Variants in LDB3 observed in about 807,000 individuals in gnomAD.
The protein encoded by LDB3 is LIM domain binding 3, also known as LIM domain-binding protein 3.
Under a neutral mutation model 69.0 loss-of-function variants are expected in LDB3, and 49 were observed. That is an observed-to-expected ratio of 0.71 (90% CI 0.56 to 0.90). The LOEUF is 0.90. Among genes scored for constraint, LDB3 ranks in the 40% least tolerant of loss-of-function variants. LDB3 has a pLI of 0.00. For missense variants in LDB3, 928 were observed against 974.1 expected, an observed-to-expected ratio of 0.95 and a Z score of 0.63; for synonymous variants, 387 against 396.2, an observed-to-expected ratio of 0.98 and a Z score of 0.28.
chr10:86,719,032 A>T (rs987020318), intron 12 of LDB3, among the ~76,000 whole-genome samples, 185 bp downstream of exon 12: 1 of 152,102 alleles, frequency 6.6e-6, no homozygotes, highest in Non-Finnish European at 1.5e-5. Flanking sequence ...GAAGTTAACT[A>T]TCTCCCCTGC....
chr10:86,687,302 A>T (rs1296920337), intron 5 of LDB3: 7 of 1,604,178 alleles, frequency 4.4e-6, no homozygotes, highest in Non-Finnish European at 5.1e-6. Context: ...ACCGCCACTC[A>T]GTGCCTCCAG....
chr10:86,681,438 C>G lies in LDB3; in HGVS notation c.324C>G (p.Asp108Glu). 2 of 1,601,878 alleles carry G rather than the reference C, an allele frequency of 1.2e-6. No individual in the cohort carries two copies. The highest frequency in any genetic ancestry group is 2.2e-5 in the South Asian group (2 of 91,054). ...CTGCATGGCCTGCCCTGTGCCAGGA[C>G]CCCGCTCTGGACACGAACGGCAGCC... Reference protein sequence around the residue: ...TPLPVIPHQKDPALDTNGSLV... With the variant: ...TPLPVIPHQKEPALDTNGSLV... The change falls in exon 5 of 14, where the codon GAC becomes GAG. Residue 108 changes from aspartate (D) to glutamate (E), a missense_variant and splice_region_variant. Asp to Glu is a conservative substitution (Grantham distance 45). Transcript: ENST00000361373.
At chr10:86,723,899 G>A (rs996028258) in intron 12 of LDB3, among the ~76,000 whole-genome samples, 2 of 152,334 alleles carry the variant, frequency 1.3e-5, no homozygotes, top group African/African-American at 4.8e-5. Flanking sequence ...TGCTGATAAG[G>A]AGCTGGAGAC....
chr10:86,668,879 T>C, intron 2 of LDB3, 95 bp downstream of exon 2: 1 of 966,180 alleles, frequency 1.0e-6, no homozygotes, highest in Non-Finnish European at 1.6e-6. Flanking sequence ...TTTCTGAGCC[T>C]CTCAGAAAGC....
intron 8 of LDB3, 98 bp downstream of exon 8, chr10:86,706,817 AG>A: frequency 7.6e-7 from 1 of 1,320,814 alleles, no homozygotes. Context: ...CAAGGTAGTT[AG>A]GGCCCGCAGG....
At chr10:86,728,271 G>A (rs2132507591) in intron 13 of LDB3, among the ~76,000 whole-genome samples, 1 of 152,330 alleles carries the variant, frequency 6.6e-6, no homozygotes, top group South Asian at 2.1e-4. Flanking sequence ...CCATGGGCAG[G>A]CTGATGAGAG....
chr10:86,692,097 G>A (rs1399829618), intron 6 of LDB3, 32 bp downstream of exon 6: 1 of 1,612,724 alleles, frequency 6.2e-7, no homozygotes, highest in Non-Finnish European at 8.5e-7. Flanking sequence ...GGCTGCAGAG[G>A]AGGGAGATGC....
chr10:86,688,965 C>T (rs1319584354), intron 5 of LDB3, among the ~76,000 whole-genome samples: 4 of 152,166 alleles, frequency 2.6e-5, no homozygotes, highest in African/African-American at 9.7e-5. Context: ...CTATTCCTCC[C>T]CTGGTATGCC....
chr10:86,727,869 C>T (rs1192181155), intron 13 of LDB3, among the ~76,000 whole-genome samples: 2 of 147,750 alleles, frequency 1.4e-5, no homozygotes, highest in Non-Finnish European at 3.0e-5. Context: ...TGGAGTTTCC[C>T]TCTTGTTGCC....
chr10:86,713,977 G>A (rs1182589549), intron 9 of LDB3, among the ~76,000 whole-genome samples: 4 of 152,174 alleles, frequency 2.6e-5, no homozygotes, highest in Non-Finnish European at 5.9e-5. Context: ...TTCCCTAGGT[G>A]AGCAGCAGGC....
chr10:86,670,061 C>G (rs1346583841), intron 2 of LDB3, among the ~76,000 whole-genome samples: 3 of 152,102 alleles, frequency 2.0e-5, no homozygotes, highest in Admixed American at 2.0e-4. Context: ...TTGAGGGGAC[C>G]CCAGAAGTAG....
intron 9 of LDB3, among the ~76,000 whole-genome samples, chr10:86,712,413 A>G (rs111772833): frequency 4.6e-5 from 7 of 152,234 alleles, no homozygotes; most frequent in African/African-American, 1.4e-4. Flanking sequence ...GTTTACTTGA[A>G]AGGGGGCGTA....
chr10:86,714,246 T>C (rs952357692), intron 9 of LDB3, among the ~76,000 whole-genome samples: 1 of 152,188 alleles, frequency 6.6e-6, no homozygotes, highest in Non-Finnish European at 1.5e-5. Flanking sequence ...AGCTGGATCC[T>C]GCAGCCAGGG....
At chr10:86,674,176 C>G (rs1169228156) in intron 2 of LDB3, among the ~76,000 whole-genome samples, 1 of 152,218 alleles carries the variant, frequency 6.6e-6, no homozygotes, top group African/African-American at 2.4e-5. Flanking sequence ...AGCACTGTGC[C>G]TCCTGGATTT....
At chr10:86,687,969 C>T (rs1216728781) in intron 5 of LDB3, among the ~76,000 whole-genome samples, 3 of 152,114 alleles carry the variant, frequency 2.0e-5, no homozygotes, top group African/African-American at 4.8e-5. Context: ...CTCTGCGTGT[C>T]TCTGTGTCTC....
At chr10:86,675,706 T>C (rs1844759292) in intron 2 of LDB3, among the ~76,000 whole-genome samples, 1 of 152,278 alleles carries the variant, frequency 6.6e-6, no homozygotes, top group Middle Eastern at 3.4e-3. Context: ...GCAAATGAGA[T>C]GGATTGATGG....
chr10:86,675,288 G>T (rs1844733846), intron 2 of LDB3, among the ~76,000 whole-genome samples: 1 of 152,272 alleles, frequency 6.6e-6, no homozygotes, highest in African/African-American at 2.4e-5. Flanking sequence ...ACCCATGCCT[G>T]TGGGAGAAAG....
chr10:86,679,541 A>C, intron 3 of LDB3, 23 bp downstream of exon 3: 3 of 1,613,046 alleles, frequency 1.9e-6, no homozygotes, highest in South Asian at 1.1e-5. Context: ...TCTCCAGAGC[A>C]GGGGGCGGAG....
At chr10:86,715,331 G>A (rs1325474803) in intron 9 of LDB3, among the ~76,000 whole-genome samples, 1 of 152,124 alleles carries the variant, frequency 6.6e-6, no homozygotes, top group East Asian at 1.9e-4. Context: ...TGAGGCTTCT[G>A]GAACCTCACT....
Sources: gnomAD v4.1 joint callset for allele counts (sites outside exome capture counted in the v4.1 genomes callset) on GRCh38, gnomAD v4.1.1 for gene constraint, MANE v1.5 for transcripts, NCBI Gene and HGNC (gene_info 2026-07-23, HGNC 2026-07-21) for gene names.